PCDHGA9: variants seen among roughly 807,000 people sequenced by gnomAD.
The protein encoded by PCDHGA9 is protocadherin gamma subfamily A, 9.
PCDHGA9 carries 37 observed loss-of-function variants against 62.5 expected under a neutral mutation model. The ratio of observed to expected loss-of-function variants is 0.59; its 90% confidence interval spans 0.46 to 0.78. The LOEUF (loss-of-function observed/expected upper bound fraction) is 0.78, where lower values mean the gene tolerates loss of function less well. Among genes scored for constraint, PCDHGA9 ranks in the 30% least tolerant of loss-of-function variants. The pLI, the probability that PCDHGA9 is intolerant of heterozygous loss-of-function variation, is 0.00. For missense variants in PCDHGA9, 1,138 were observed against 1,166.2 expected, an observed-to-expected ratio of 0.98 and a Z score of 0.35; for synonymous variants, 459 against 484.6, an observed-to-expected ratio of 0.95 and a Z score of 0.69.
intron 1 of PCDHGA9, among the ~76,000 whole-genome samples, chr5:141,438,613 TATATATATATATATATATATATACAC>T (rs1192023297): frequency 0.026 from 946 of 36,486 alleles, 27 homozygotes; most frequent in African/African-American, 0.12. Flanking sequence ...TATATATATA[TATATATATATATATATATATATACAC>T]ACACACACAC....
rs780383828 is a variant in PCDHGA9, at chr5:141,422,708, A to G, written c.2424+17332A>G. ...GCCCTGGTCACTTACTCTCTGACGGATGACACTGTCCAGGGGGTGCCTCTG... is the reference window on the plus strand; with the variant it reads ...GCCCTGGTCACTTACTCTCTGACGGGTGACACTGTCCAGGGGGTGCCTCTG... On this transcript the variant is annotated intron_variant, in intron 1 of 3. Transcript: ENST00000573521. 28 of 1,603,464 alleles carry G rather than the reference A, an allele frequency of 1.7e-5. No individual in the cohort carries two copies. The East Asian group carries it at 3.8e-4, about 22-fold the overall frequency.
rs144613597 is a variant in PCDHGA9, at chr5:141,483,029, G to A, written c.2425-11778G>A. 3.9e-3 allele frequency among the ~76,000 whole-genome samples: 588 copies of A among 152,220 alleles called. 6 individuals are homozygous for A. Among genetic ancestry groups the A allele is most frequent in the Admixed American group, 0.011 (169 of 15,280 alleles). ...GAACCCGGGAGGCAGAGGTTGCAAT[G>A]AGCTGGTGTCAGGCCACTGCACTCC... On this transcript the variant is annotated intron_variant, in intron 1 of 3. Transcript: ENST00000573521.
intron 1 of PCDHGA9, chr5:141,414,787 G>T (rs372484037): frequency 6.2e-7 from 1 of 1,614,230 alleles, no homozygotes; most frequent in Admixed American, 1.7e-5. Context: ...GCAGGTGACA[G>T]CCAGCGACAG....
At chr5:141,478,694 T>A (rs2099472305) in intron 1 of PCDHGA9, 1 of 1,550,598 alleles carries the variant, frequency 6.4e-7, no homozygotes, top group Admixed American at 2.0e-5. Flanking sequence ...TAGATCAAAG[T>A]TAGTGCCTTT....
chr5:141,471,206 T>C (rs113465424), intron 1 of PCDHGA9: 16,891 of 151,686 alleles, frequency 0.11, 970 homozygotes, highest in South Asian at 0.15. Context: ...CCCACCCCCA[T>C]GCCTGGCAAT....
chr5:141,481,913 C>CA (rs34114744), intron 1 of PCDHGA9, among the ~76,000 whole-genome samples: 1,134 of 90,654 alleles, frequency 0.013, 16 homozygotes, highest in East Asian at 0.053. Flanking sequence ...AACTCCATCT[C>CA]AAAAAAAAAA....
chr5:141,409,690 A>T (rs778962490), intron 1 of PCDHGA9: 1 of 1,613,354 alleles, frequency 6.2e-7, no homozygotes, highest in South Asian at 1.1e-5. Context: ...CGAGTGACCT[A>T]GAGCCCCTGG....
chr5:141,408,339 T>C lies in PCDHGA9; in HGVS notation c.2424+2963T>C, dbSNP rs768142301. 1.7e-5 allele frequency: 27 copies of C among 1,613,672 alleles called. No homozygotes were observed. In the Middle Eastern group the frequency reaches 9.9e-4, roughly 59 times the overall value. ...CCGGAGGAGCTGGCCAAGGGCTCGGTGGTGGGGAACCTCGCTAAGGATCTA... is the reference window on the plus strand; with the variant it reads ...CCGGAGGAGCTGGCCAAGGGCTCGGCGGTGGGGAACCTCGCTAAGGATCTA... On this transcript the variant is annotated intron_variant, in intron 1 of 3. Coordinates refer to ENST00000573521, the MANE Select transcript of PCDHGA9 (RefSeq NM_018921.3).
chr5:141,408,243 G>A lies in PCDHGA9; in HGVS notation c.2424+2867G>A, dbSNP rs372221747. ...GCGCAGAGGCGCCGGGCCGGCCCGC[G>A]GCAGGTGCTATTTCCTTTGCTGCTG... On this transcript the variant is annotated intron_variant, in intron 1 of 3. Transcript: ENST00000573521. 7 of 1,583,996 alleles carry A rather than the reference G, an allele frequency of 4.4e-6. 1 individual carries two copies. The highest frequency in any genetic ancestry group is 5.2e-6 in the Non-Finnish European group (6 of 1,164,814).
chr5:141,409,173 G>T (rs1235074997), intron 1 of PCDHGA9: 3 of 1,614,028 alleles, frequency 1.9e-6, no homozygotes. Flanking sequence ...GCGAAGGACG[G>T]AGGTGGTCTC....
At chr5:141,418,050 G>T in intron 1 of PCDHGA9, 1 of 1,613,576 alleles carries the variant, frequency 6.2e-7, no homozygotes, top group Non-Finnish European at 8.5e-7. Context: ...GTGTCGGCTC[G>T]CGAGCTGCGA....
intron 2 of PCDHGA9, among the ~76,000 whole-genome samples, chr5:141,497,543 T>C (rs896069181): frequency 4.7e-5 from 7 of 149,068 alleles, no homozygotes; most frequent in Non-Finnish European, 9.0e-5. Context: ...AACAAACCTT[T>C]TTTTTTTTTT....
rs200900873 is a variant in PCDHGA9 at position 141,510,902 on chromosome 5, G to A, written c.2573-45G>A. On this transcript the variant is annotated intron_variant, in intron 3 of 3. Transcript: ENST00000573521. ...GGGGATATAAGACAGTGACTGTTGAGGACCCTAAGTTTAGCTCCCACCTGA... is the reference window on the plus strand; with the variant it reads ...GGGGATATAAGACAGTGACTGTTGAAGACCCTAAGTTTAGCTCCCACCTGA... The A allele has an allele frequency of 1.5e-3, 2,449 of 1,613,462 alleles. 7 individuals carry two copies. The highest frequency in any genetic ancestry group is 1.9e-3 in the Non-Finnish European group (2,206 of 1,179,758).
Position 141,511,089 on chromosome 5 carries a change from C to T in PCDHGA9, c.2715C>T (p.Thr905=). The change falls in exon 4 of 4, where the codon ACC becomes ACT. Residue 905 remains threonine (T), a synonymous_variant. Transcript: ENST00000573521. ...TCCCAGGCAGCAATGCCACACTGAC[C>T]AACGCAGCTGGCAAGCGGGATGGCA... is the stretch of plus-strand genomic sequence containing the variant. ...VYIPGSNATL[T]NAAGKRDGKA... 1 of 1,614,212 alleles carries T rather than the reference C, an allele frequency of 6.2e-7. No individual in the cohort carries two copies. Among genetic ancestry groups the T allele is most frequent in the Non-Finnish European group, 8.5e-7 (1 of 1,180,026 alleles).
chr5:141,489,990 A>G lies in PCDHGA9; in HGVS notation c.2425-4817A>G. ...TCCAATCCTCAGTTCTACGTGTGGG[A>G]ATCCCAGAGAATGCACCCATTGGTA... is the stretch of plus-strand genomic sequence containing the variant. On this transcript the variant is annotated intron_variant, in intron 1 of 3. Transcript: ENST00000573521. This position sits in a 1 kb window ranked among gnomAD's most constrained non-coding sequence, Gnocchi z 4.5. 6.2e-7 allele frequency: 1 copy of G among 1,614,256 alleles called. No individual in the cohort carries two copies. Among genetic ancestry groups the G allele is most frequent in the Non-Finnish European group, 8.5e-7 (1 of 1,180,030 alleles).
chr5:141,490,033 A>C lies in PCDHGA9; in HGVS notation c.2425-4774A>C, dbSNP rs200482631. The C allele has an allele frequency of 4.0e-5, 65 of 1,614,116 alleles. No homozygotes were observed. Among genetic ancestry groups the C allele is most frequent in the Non-Finnish European group, 4.1e-5 (48 of 1,180,040 alleles). On this transcript the variant is annotated intron_variant, in intron 1 of 3. Transcript: ENST00000573521. This position sits in a 1 kb window ranked among gnomAD's most constrained non-coding sequence, Gnocchi z 5.4. ...CATTGGTACTCTGCTGCTCCGCCTC[A>C]ATGCCACTGATCCAGACGAGGGCAC...
rs1486791355 is a variant in PCDHGA9 at position 141,476,804 on chromosome 5, A to G, written c.2425-18003A>G. Reference sequence around the variant, plus strand: ...CCCAGCTCTCTCCGCCAGCCTGCCTATTCACATCAAGGTGCTGGACGCGAA... The same window carrying G: ...CCCAGCTCTCTCCGCCAGCCTGCCTGTTCACATCAAGGTGCTGGACGCGAA... On this transcript the variant is annotated intron_variant, in intron 1 of 3. Coordinates refer to ENST00000573521, the MANE Select transcript of PCDHGA9 (RefSeq NM_018921.3). The surrounding 1 kb of genome is among the most constrained non-coding windows in gnomAD (Gnocchi z 7.6). 5 of 1,613,476 alleles carry G rather than the reference A, an allele frequency of 3.1e-6. No individual in the cohort carries two copies. Among genetic ancestry groups the G allele is most frequent in the South Asian group, 2.2e-5 (2 of 91,080 alleles).
chr5:141,481,401 CT>C (rs2099537157), intron 1 of PCDHGA9, among the ~76,000 whole-genome samples: 1 of 152,204 alleles, frequency 6.6e-6, no homozygotes, highest in African/African-American at 2.4e-5. Flanking sequence ...TGACAAAATT[CT>C]TGTATAATTA....
At chr5:141,442,674 A>G (rs2098335634) in intron 1 of PCDHGA9, among the ~76,000 whole-genome samples, 1 of 152,272 alleles carries the variant, frequency 6.6e-6, no homozygotes, top group Non-Finnish European at 1.5e-5. Context: ...GGTGAGCTTG[A>G]GGGACAGTAG....
Sources: allele counts gnomAD v4.1 joint callset (sites outside exome capture counted in the v4.1 genomes callset), GRCh38; gene constraint gnomAD v4.1.1; non-coding constraint Gnocchi (gnomAD v3.1); transcripts MANE v1.5; gene names NCBI Gene and HGNC (gene_info 2026-07-23, HGNC 2026-07-21).